Variants in RSF1 observed in about 807,000 individuals in gnomAD.
RSF1 encodes the protein HBV pX-associated protein 8.
A neutral mutation model predicts 145.2 loss-of-function variants in RSF1; 13 were observed. The ratio of observed to expected loss-of-function variants is 0.09; its 90% CI spans 0.06 to 0.14. The LOEUF (loss-of-function observed/expected upper bound fraction) is 0.14. Ranked by LOEUF, RSF1 falls within the 10% of genes least tolerant of loss-of-function variation. The pLI is 1.00. For synonymous variants in RSF1, 577 were observed against 592.6 expected (o/e 0.97, Z 0.38); for missense variants, 1,517 against 1,718.2 (o/e 0.88, Z 2.07).
intron 4 of RSF1, among the ~76,000 whole-genome samples, chr11:77,737,998 G>A (rs1007458203): frequency 3.3e-5 from 5 of 152,024 alleles, no homozygotes; most frequent in South Asian, 2.1e-4. Context: ...GTATGGTGGC[G>A]GGTGCCTGTA....
the RSF1 span, among the ~76,000 whole-genome samples, chr11:77,865,303 G>A: frequency 1.3e-5 from 2 of 152,160 alleles, no homozygotes; most frequent in African/African-American, 4.8e-5. Context: ...ATAAATTATT[G>A]TGGCCAGTCC....
chr11:77,790,364 T>C (rs570393538), intron 1 of RSF1, among the ~76,000 whole-genome samples: 285 of 152,252 alleles, frequency 1.9e-3, no homozygotes, highest in Admixed American at 3.1e-3. Flanking sequence ...CCTGCCCTCA[T>C]GTTTCAATTA....
intron 1 of RSF1, among the ~76,000 whole-genome samples, chr11:77,799,135 G>A (rs1446720345): frequency 6.6e-6 from 1 of 151,856 alleles, no homozygotes; most frequent in African/African-American, 2.4e-5. Context: ...TATGACAGAG[G>A]AATGATATCT....
intron 5 of RSF1, among the ~76,000 whole-genome samples, chr11:77,704,462 T>C (rs1229926346): frequency 6.6e-6 from 1 of 152,238 alleles, no homozygotes; most frequent in Non-Finnish European, 1.5e-5. Flanking sequence ...AAATTAAGTT[T>C]CTCAGTTTCT....
chr11:77,768,485 T>C (rs1388367050), intron 1 of RSF1, among the ~76,000 whole-genome samples: 1 of 152,188 alleles, frequency 6.6e-6, no homozygotes, highest in African/African-American at 2.4e-5. Context: ...AAGTATTACT[T>C]TCTTTTGTAC....
At chr11:77,737,822 A>G (rs1961402960) in intron 4 of RSF1, among the ~76,000 whole-genome samples, 2 of 152,092 alleles carry the variant, frequency 1.3e-5, no homozygotes, top group African/African-American at 2.4e-5. Flanking sequence ...TTGGAGTTAG[A>G]AAGGTTGTAA....
chr11:77,764,439 A>C (rs1291047102), intron 2 of RSF1, 159 bp downstream of exon 2: 2 of 568,588 alleles, frequency 3.5e-6, no homozygotes, highest in Non-Finnish European at 6.1e-6. Context: ...AGTAGTAGCA[A>C]AAGAAGAGAA....
the RSF1 span, among the ~76,000 whole-genome samples, chr11:77,862,279 T>A: frequency 6.6e-6 from 1 of 152,328 alleles, no homozygotes; most frequent in East Asian, 1.9e-4. Context: ...GCTGCAGTTA[T>A]GATGGCACTT....
At chr11:77,694,646 T>A (rs1960238914) in intron 7 of RSF1, among the ~76,000 whole-genome samples, 1 of 152,242 alleles carries the variant, frequency 6.6e-6, no homozygotes, top group South Asian at 2.1e-4. Context: ...CATATAACTA[T>A]GGTACATTTA....
Position 77,664,120 on chromosome 11 carries a change from A to T in RSF1, c.*2797T>A, listed in dbSNP as rs1959302398. ...TTCTAAAATTTTTTAACTTCTTCAG[A>T]ATACCTTCAGAGTGTATTTCAGTGA... On this transcript the variant is annotated 3_prime_UTR_variant, in exon 16 of 16. Transcript: ENST00000308488. The T allele has an allele frequency of 6.6e-6, 1 of 152,190 alleles. No homozygotes were observed. Among genetic ancestry groups the T allele is most frequent in the African/African-American group, 2.4e-5 (1 of 41,446 alleles). The allele number at this position is 152,190 out of a possible 1,614,324, so 9.4% of individuals were successfully genotyped here.
At chr11:77,842,847 T>C in the RSF1 span, among the ~76,000 whole-genome samples, 1 of 152,258 alleles carries the variant, frequency 6.6e-6, no homozygotes, top group African/African-American at 2.4e-5. Context: ...CATAAACTTG[T>C]ACAACAGTTA....
intron 4 of RSF1, among the ~76,000 whole-genome samples, chr11:77,729,990 G>A (rs2135893877): frequency 6.9e-6 from 1 of 144,396 alleles, no homozygotes; most frequent in East Asian, 2.1e-4. Flanking sequence ...ATTAATCTAA[G>A]ATGTTAACAT....
chr11:77,691,249 A>G lies in RSF1; in HGVS notation c.2821-11T>C, dbSNP rs1960142809. The G allele has an allele frequency of 6.2e-7, 1 of 1,612,352 alleles. No homozygotes were observed. The highest frequency in any genetic ancestry group is 8.5e-7 in the Non-Finnish European group (1 of 1,178,612). ...TTCACAGAGCAGTTTCTGAAGAAGC[A>G]AAATAGATAAAAGTCATTTTAAACA... On this transcript the variant is annotated splice_polypyrimidine_tract_variant and intron_variant, in intron 8 of 15. Transcript: ENST00000308488.
chr11:77,775,634 G>T (rs899614101), intron 1 of RSF1, among the ~76,000 whole-genome samples: 1 of 152,160 alleles, frequency 6.6e-6, no homozygotes, highest in East Asian at 1.9e-4. Context: ...TATTCCATAG[G>T]TATTTAAAAC....
At chr11:77,729,282 A>G (rs151266399) in intron 4 of RSF1, among the ~76,000 whole-genome samples, 1 of 152,360 alleles carries the variant, frequency 6.6e-6, no homozygotes, top group East Asian at 1.9e-4. Flanking sequence ...GAAAGGATGT[A>G]GCTGCTATTA....
the RSF1 span, chr11:77,851,343 T>G: frequency 6.6e-6 from 1 of 152,230 alleles, no homozygotes; most frequent in African/African-American, 2.4e-5. Flanking sequence ...CTCAGAGAAT[T>G]GTACAATTGA....
At chr11:77,740,200 A>T (rs1034157354) in intron 4 of RSF1, among the ~76,000 whole-genome samples, 4 of 152,032 alleles carry the variant, frequency 2.6e-5, no homozygotes, top group Non-Finnish European at 5.9e-5. Context: ...ACACGGAGAA[A>T]CCTCATCTCT....
rs145024708 is a variant in RSF1 at position 77,796,163 on chromosome 11, G to T, written c.187+24365C>A. Among the ~76,000 whole-genome samples the T allele has an allele frequency of 1.3e-3, 205 of 152,074 alleles. 1 individual carries two copies. Among genetic ancestry groups the T allele is most frequent in the African/African-American group, 4.7e-3 (197 of 41,480 alleles). On this transcript the variant is annotated intron_variant, in intron 1 of 15. Transcript: ENST00000308488. ...GAATCCTCCCTAACGCATTTTATGA[G>T]GCCAGCACCACCCTGATAGCAAAAC...
chr11:77,748,796 G>A (rs1224078275), intron 2 of RSF1, among the ~76,000 whole-genome samples: 1 of 152,124 alleles, frequency 6.6e-6, no homozygotes, highest in Non-Finnish European at 1.5e-5. Flanking sequence ...ATATGACTTA[G>A]CCATTACACT....
Sources: gnomAD v4.1 joint callset for allele counts (sites outside exome capture counted in the v4.1 genomes callset) on GRCh38, gnomAD v4.1.1 for gene constraint, MANE v1.5 for transcripts, NCBI Gene and HGNC (gene_info 2026-07-23, HGNC 2026-07-21) for gene names.